The following LAMC3 variants were observed in gnomAD, a reference collection of about 807,000 sequenced individuals.
LAMC3 encodes laminin subunit gamma 3, also known as laminin subunit gamma-3.
In LAMC3, 128 loss-of-function variants were observed where a neutral mutation model predicts 173.8. That is an observed-to-expected ratio of 0.74 (90% CI 0.64 to 0.85). The LOEUF is 0.85. LAMC3 is among the 40% of genes least tolerant of loss of function. LAMC3 has a pLI of 0.00. For missense variants in LAMC3, 2,022 were observed against 2,156.0 expected, an observed-to-expected ratio of 0.94 and a Z score of 1.23; for synonymous variants, 897 against 909.1, an observed-to-expected ratio of 0.99 and a Z score of 0.24.
At position 131,085,732 on chromosome 9, in the gene LAMC3, G is replaced by A; in HGVS notation, c.4230+9G>A. On this transcript the variant is annotated intron_variant, in intron 25 of 27. Transcript: ENST00000361069. ...CCAAGGACAGTGCCAAGGTCAGGGT[G>A]GTGGCTGTGACAACAGTGGCCTCCT... The A allele has an allele frequency of 6.2e-7, 1 of 1,613,978 alleles. No homozygotes were observed. The highest frequency in any genetic ancestry group is 8.5e-7 in the Non-Finnish European group (1 of 1,179,886).
At chr9:131,066,811 C>G in intron 13 of LAMC3, 149 bp from the exon 14 acceptor site, 1 of 999,070 alleles carries the variant, frequency 1.0e-6, no homozygotes, top group Non-Finnish European at 1.5e-6. Flanking sequence ...CAGCTGTGGG[C>G]AGCCACTGGG....
intron 17 of LAMC3, among the ~76,000 whole-genome samples, chr9:131,070,450 C>T (rs1250017434): frequency 9.9e-5 from 15 of 152,232 alleles, no homozygotes; most frequent in Non-Finnish European, 2.2e-4. Context: ...CTGTGGCTCA[C>T]GCCTGTAATC....
intron 13 of LAMC3, 139 bp from the exon 14 acceptor site, chr9:131,066,821 G>A: frequency 1.8e-6 from 2 of 1,139,782 alleles, no homozygotes; most frequent in Non-Finnish European, 2.5e-6. Context: ...CAGCCACTGG[G>A]GGCCGGTCCC....
In LAMC3 at chr9:131,068,120, C is replaced by T. The variant is rs746978377; in HGVS notation, c.2636C>T (p.Pro879Leu). The change falls in exon 15 of 28, where the codon CCC (proline) becomes CTC (leucine). Residue 879 changes from proline to leucine, a missense_variant. Pro to Leu is a moderately conservative substitution (Grantham distance 98). Coordinates refer to ENST00000361069, the MANE Select transcript of LAMC3 (RefSeq NM_006059.4). Reference protein sequence around the residue: ...HPQGSVSEQMPCDPVTGQCSC... With the variant: ...HPQGSVSEQMLCDPVTGQCSC... ...CAGGGCTCGGTCAGTGAGCAGATGC[C>T]CTGCGACCCAGTGACAGGCCAATGC... The T allele has an allele frequency of 2.2e-5, 35 of 1,612,826 alleles. 1 individual carries two copies. In the South Asian group the frequency reaches 3.6e-4, roughly 17 times the overall value.
chr9:131,068,663 G>A (rs1564384706), intron 15 of LAMC3, among the ~76,000 whole-genome samples: 1 of 152,162 alleles, frequency 6.6e-6, no homozygotes, highest in Non-Finnish European at 1.5e-5. Context: ...TCCAACAGAG[G>A]GGTATAGTCT....
intron 2 of LAMC3, among the ~76,000 whole-genome samples, chr9:131,028,886 C>G (rs1833777473): frequency 1.3e-5 from 2 of 152,216 alleles, no homozygotes; most frequent in Admixed American, 1.3e-4. Flanking sequence ...TGGTCTCTTA[C>G]TCCTGGGCTC....
intron 25 of LAMC3, 50 bp from the exon 26 acceptor site, chr9:131,087,426 G>A (rs1830350148): frequency 6.2e-7 from 1 of 1,610,710 alleles, no homozygotes; most frequent in Admixed American, 1.7e-5. Flanking sequence ...ACCTCCAAAA[G>A]GACTTGCTGC....
intron 14 of LAMC3, among the ~76,000 whole-genome samples, chr9:131,067,644 A>G (rs1365214422): frequency 6.6e-6 from 1 of 152,170 alleles, no homozygotes; most frequent in East Asian, 1.9e-4. Flanking sequence ...TTTCCCACGC[A>G]GCAGCTGCCG....
rs1830432163 is a variant in LAMC3 at position 131,091,774 on chromosome 9, C to A, written c.4715C>A (p.Ala1572Asp). ...AILHSLPENC[A>D]SWQ ...CTGCACAGCCTGCCCGAGAACTGTG[C>A]CAGCTGGCAGTGAGGGCTGCCCAGA... The change falls in exon 28 of 28, where the codon GCC (alanine) becomes GAC (aspartate). Residue 1572 changes from alanine (A) to aspartate (D), a missense_variant. Physicochemically the swap from Ala to Asp is moderately radical, Grantham distance 126. Coordinates refer to ENST00000361069, the MANE Select transcript of LAMC3 (RefSeq NM_006059.4). 1 of 1,612,576 alleles carries A rather than the reference C, an allele frequency of 6.2e-7. No individual in the cohort carries two copies. Among genetic ancestry groups the A allele is most frequent in the Non-Finnish European group, 8.5e-7 (1 of 1,179,992 alleles).
intron 1 of LAMC3, among the ~76,000 whole-genome samples, chr9:131,015,075 A>G (rs965708130): frequency 1.3e-5 from 2 of 152,144 alleles, no homozygotes; most frequent in Non-Finnish European, 2.9e-5. Context: ...TGTTATGCCT[A>G]TTTTGCAAAT....
chr9:131,091,346 C>G (rs1032351304), intron 27 of LAMC3, among the ~76,000 whole-genome samples, 191 bp from the exon 28 acceptor site: 3 of 152,248 alleles, frequency 2.0e-5, no homozygotes, highest in African/African-American at 4.8e-5. Context: ...TAGAGTCTGC[C>G]CATGGGCCCG....
chr9:131,045,959 T>TAAA (rs1293251640), intron 8 of LAMC3, among the ~76,000 whole-genome samples: 1 of 152,174 alleles, frequency 6.6e-6, no homozygotes, highest in Non-Finnish European at 1.5e-5. Flanking sequence ...GAGACTGGCC[T>TAAA]CCCTTGGTGT....
intron 9 of LAMC3, 125 bp from the exon 10 acceptor site, chr9:131,052,364 CTT>C: frequency 1.1e-6 from 1 of 879,618 alleles, no homozygotes; most frequent in Non-Finnish European, 1.9e-6. Flanking sequence ...GTGCAGGAAG[CTT>C]TTGATTTTCT....
intron 13 of LAMC3, among the ~76,000 whole-genome samples, chr9:131,064,673 A>AG (rs1160051161): frequency 7.3e-5 from 6 of 82,256 alleles, no homozygotes; most frequent in Non-Finnish European, 1.3e-4. Context: ...CCAAAAAAAA[A>AG]AAAAAAAGAA....
At chr9:131,078,960 C>G (rs1480434978) in intron 22 of LAMC3, among the ~76,000 whole-genome samples, 189 bp from the exon 23 acceptor site, 1 of 152,272 alleles carries the variant, frequency 6.6e-6, no homozygotes, top group Non-Finnish European at 1.5e-5. Context: ...CCTGCTATTC[C>G]TGCCTCTGGG....
At chr9:131,040,872 C>T (rs566585023) in intron 6 of LAMC3, among the ~76,000 whole-genome samples, 6 of 152,298 alleles carry the variant, frequency 3.9e-5, no homozygotes, top group African/African-American at 7.2e-5. Context: ...ACACGTATCG[C>T]GGTACAGGGT....
chr9:131,066,846 A>G (rs1439202883), intron 13 of LAMC3, 114 bp from the exon 14 acceptor site: 1 of 1,430,092 alleles, frequency 7.0e-7, no homozygotes, highest in Admixed American at 1.8e-5. Flanking sequence ...CCTCCTGCCC[A>G]AGCCCGTGCT....
chr9:131,091,613 G>T lies in LAMC3; in HGVS notation c.4554G>T (p.Gln1518His). 6.3e-7 allele frequency: 1 copy of T among 1,595,378 alleles called. No homozygotes were observed. Among genetic ancestry groups the T allele is most frequent in the Non-Finnish European group, 8.5e-7 (1 of 1,171,302 alleles). ...GGGCACTAGAACGCCTGAGGCTGCA[G>T]CTGGGCTCCCCGGGGTCCTTGCAGA... is the stretch of plus-strand genomic sequence containing the variant. ...TQWALERLRL[Q>H]LGSPGSLQRK... The change falls in exon 28 of 28, where the codon CAG (glutamine) becomes CAT (histidine). Residue 1518 changes from glutamine to histidine, a missense_variant. Gln to His is a conservative substitution (Grantham distance 24). Coordinates refer to ENST00000361069, the MANE Select transcript of LAMC3 (RefSeq NM_006059.4).
intron 7 of LAMC3, among the ~76,000 whole-genome samples, chr9:131,044,894 G>A (rs1021848163): frequency 2.0e-5 from 3 of 152,194 alleles, no homozygotes; most frequent in South Asian, 2.1e-4. Flanking sequence ...GGATCCTGCA[G>A]CAGAAACCAG....
Sources: gnomAD v4.1 joint callset for allele counts (sites outside exome capture counted in the v4.1 genomes callset) on GRCh38, gnomAD v4.1.1 for gene constraint, MANE v1.5 for transcripts, NCBI Gene and HGNC (gene_info 2026-07-23, HGNC 2026-07-21) for gene names.